The following GPC3 variants were observed in gnomAD, a reference collection of about 807,000 sequenced individuals.
The protein encoded by GPC3 is glypican-3.
GPC3 carries 3 observed loss-of-function variants against 34.4 expected under a neutral mutation model. That is an observed-to-expected ratio of 0.09 (90% CI 0.04 to 0.23). GPC3 has a LOEUF of 0.23. Among genes scored for constraint, GPC3 ranks in the 10% least tolerant of loss-of-function variants. The pLI is 1.00. For synonymous variants in GPC3, 177 were observed against 174.0 expected (o/e 1.02, Z -0.13); for missense variants, 351 against 445.6 (o/e 0.79, Z 1.91).
chrX:133,938,354 G>A (rs757765002), intron 2 of GPC3, among the ~76,000 whole-genome samples: 10 of 111,518 alleles, frequency 9.0e-5, no homozygotes, highest in East Asian at 8.4e-4. Flanking sequence ...TCCAGAATCC[G>A]TTCTCTTAAA....
chrX:133,914,842 AT>A (rs1304525433), intron 2 of GPC3, among the ~76,000 whole-genome samples: 1 of 104,419 alleles, frequency 9.6e-6, no homozygotes, highest in Non-Finnish European at 2.0e-5. Flanking sequence ...AATTCAGAAA[AT>A]AAAAAGAGAA....
chrX:133,913,353 T>G, intron 2 of GPC3, among the ~76,000 whole-genome samples: 1 of 112,501 alleles, frequency 8.9e-6, no homozygotes, highest in South Asian at 3.7e-4. Flanking sequence ...GAAAAATAAG[T>G]GCCAATGAAT....
Position 133,753,955 on chromosome X carries a change from G to A in GPC3, c.559C>T (p.Leu187=). The A allele has an allele frequency of 8.3e-7, 1 of 1,210,754 alleles. No homozygotes were observed. Among genetic ancestry groups the A allele is most frequent in the Non-Finnish European group, 1.1e-6 (1 of 894,526 alleles). Residue 187 remains leucine, a synonymous_variant, in exon 3 of 8, where the codon CTG becomes TTG. Coordinates refer to ENST00000370818, the MANE Select transcript of GPC3 (RefSeq NM_004484.4). ...VIYTQLMNPG[L]PDSALDINEC... The stretch of plus-strand genomic sequence containing the variant: ...TTGATGTCCAAGGCTGAATCAGGCA[G>A]GCCTGGGTTCATTAGCTGGGTATAG...
At chrX:133,654,440 G>A (rs1569406579) in intron 6 of GPC3, among the ~76,000 whole-genome samples, 1 of 111,668 alleles carries the variant, frequency 9.0e-6, no homozygotes, top group Non-Finnish European at 1.9e-5. Context: ...AGCCAGGCAC[G>A]GTGGCTCACA....
At chrX:133,799,096 C>A (rs943057562) in intron 2 of GPC3, among the ~76,000 whole-genome samples, 1 of 112,057 alleles carries the variant, frequency 8.9e-6, no homozygotes, top group Non-Finnish European at 1.9e-5. Context: ...CACAGTTGCA[C>A]GATCCTGAAG....
At chrX:133,825,608 TAAAC>T (rs1386701699) in intron 2 of GPC3, among the ~76,000 whole-genome samples, 3 of 111,438 alleles carry the variant, frequency 2.7e-5, no homozygotes, top group Non-Finnish European at 5.7e-5. Flanking sequence ...GGACAAAGAA[TAAAC>T]AAAAGCTTAA....
intron 2 of GPC3, among the ~76,000 whole-genome samples, chrX:133,860,565 C>G (rs763509249): frequency 8.9e-6 from 1 of 111,846 alleles, no homozygotes; most frequent in South Asian, 3.8e-4. Flanking sequence ...AATAACATTT[C>G]TATGAGGAAG....
intron 2 of GPC3, among the ~76,000 whole-genome samples, chrX:133,842,320 A>C (rs1466938925): frequency 9.3e-6 from 1 of 107,104 alleles, no homozygotes; most frequent in Admixed American, 1.0e-4. Flanking sequence ...TGTCTCAAAA[A>C]AAAAATAATA....
At chrX:133,760,967 T>A (rs1395346667) in intron 2 of GPC3, among the ~76,000 whole-genome samples, 6 of 109,207 alleles carry the variant, frequency 5.5e-5, no homozygotes, top group Non-Finnish European at 1.1e-4. Flanking sequence ...ATTAATCTTT[T>A]AAATTTTTTT....
chrX:133,841,251 G>A (rs1253674168), intron 2 of GPC3, among the ~76,000 whole-genome samples: 5 of 30,132 alleles, frequency 1.7e-4, no homozygotes, highest in Non-Finnish European at 2.4e-4. Flanking sequence ...TAGAGATGGG[G>A]TCTCCCTATG....
chrX:133,890,319 T>C (rs1315588856), intron 2 of GPC3, among the ~76,000 whole-genome samples: 1 of 111,815 alleles, frequency 8.9e-6, no homozygotes, highest in Non-Finnish European at 1.9e-5. Context: ...AAGATCCTTA[T>C]AATCCATTCT....
At chrX:133,670,906 T>C in intron 5 of GPC3, 1 of 360,003 alleles carries the variant, frequency 2.8e-6, no homozygotes, top group Non-Finnish European at 4.9e-6. Flanking sequence ...TTCTTCTTTA[T>C]TTATGCACAT....
At chrX:133,831,853 C>T (rs796943857) in intron 2 of GPC3, among the ~76,000 whole-genome samples, 1 of 112,916 alleles carries the variant, frequency 8.9e-6, no homozygotes, top group Non-Finnish European at 1.9e-5. Context: ...TTCAACATCA[C>T]TAGCCATTAG....
intron 2 of GPC3, among the ~76,000 whole-genome samples, chrX:133,931,322 C>T (rs1219166385): frequency 4.5e-5 from 5 of 111,374 alleles, no homozygotes; most frequent in Admixed American, 2.9e-4. Flanking sequence ...TCCTGGAGAA[C>T]GTGGTACTTC....
At chrX:133,787,579 A>G (rs1415232308) in intron 2 of GPC3, among the ~76,000 whole-genome samples, 2 of 111,938 alleles carry the variant, frequency 1.8e-5, no homozygotes, top group African/African-American at 3.2e-5. Flanking sequence ...AGAGAGTGGC[A>G]GGTCCCCCAG....
intron 2 of GPC3, among the ~76,000 whole-genome samples, chrX:133,930,141 C>T (rs1051564519): frequency 8.9e-6 from 1 of 111,872 alleles, no homozygotes; most frequent in Admixed American, 9.5e-5. Flanking sequence ...AGCTAGAAGG[C>T]CAGTTTTCAA....
chrX:133,690,550 A>C (rs1288863393), intron 5 of GPC3, among the ~76,000 whole-genome samples: 1 of 111,788 alleles, frequency 8.9e-6, no homozygotes, highest in Non-Finnish European at 1.9e-5. Context: ...TCCATTCAGC[A>C]TTCCATGTCC....
intron 2 of GPC3, among the ~76,000 whole-genome samples, chrX:133,942,004 G>A (rs746788949): frequency 9.0e-5 from 10 of 111,139 alleles, no homozygotes; most frequent in South Asian, 3.8e-4. Context: ...TTTCACCCAC[G>A]CTGGGATTAT....
At chrX:133,864,477 G>C (rs2075957315) in intron 2 of GPC3, among the ~76,000 whole-genome samples, 1 of 111,311 alleles carries the variant, frequency 9.0e-6, no homozygotes, top group African/African-American at 3.3e-5. Context: ...TATCATGATG[G>C]TGGGTAGAAA....
Sources: allele counts gnomAD v4.1 joint callset (sites outside exome capture counted in the v4.1 genomes callset), GRCh38; gene constraint gnomAD v4.1.1; transcripts MANE v1.5; gene names NCBI Gene and HGNC (gene_info 2026-07-23, HGNC 2026-07-21).